The following PLXDC2 variants were observed in gnomAD, a reference collection of about 807,000 sequenced individuals.
PLXDC2 encodes plexin domain containing 2, also known as plexin domain-containing protein 2.
In PLXDC2, 40 loss-of-function variants were observed where a neutral mutation model predicts 68.9. That is an observed-to-expected ratio of 0.58 (90% confidence interval 0.45 to 0.76). The LOEUF (loss-of-function observed/expected upper bound fraction) is 0.76. Ranked by LOEUF, PLXDC2 falls within the 30% of genes least tolerant of loss-of-function variation. PLXDC2 has a pLI of 0.00. For synonymous variants in PLXDC2, 243 were observed against 234.2 expected (o/e 1.04, Z -0.34); for missense variants, 644 against 661.9 (o/e 0.97, Z 0.30).
At chr10:20,150,006 C>G (rs1834131966) in intron 6 of PLXDC2, among the ~76,000 whole-genome samples, 1 of 152,146 alleles carries the variant, frequency 6.6e-6, no homozygotes, top group Non-Finnish European at 1.5e-5. Flanking sequence ...TGAACATACT[C>G]TTCTTGTCCT....
intron 1 of PLXDC2, among the ~76,000 whole-genome samples, chr10:19,961,845 A>C (rs1254839413): frequency 6.6e-6 from 1 of 152,184 alleles, no homozygotes; most frequent in Non-Finnish European, 1.5e-5. Context: ...CCATACTAGG[A>C]GGGCCCTCAA....
At chr10:19,860,477 C>G (rs1274890403) in intron 1 of PLXDC2, among the ~76,000 whole-genome samples, 1 of 152,168 alleles carries the variant, frequency 6.6e-6, no homozygotes, top group South Asian at 2.1e-4. Flanking sequence ...ACAAGAGTAT[C>G]TAAGTGTGCA....
intron 1 of PLXDC2, among the ~76,000 whole-genome samples, chr10:19,935,047 T>C (rs72785842): frequency 0.049 from 7,411 of 152,294 alleles, 240 homozygotes; most frequent in Middle Eastern, 0.092. Context: ...CTTGAAAATT[T>C]CGTAGAAGAG....
intron 1 of PLXDC2, among the ~76,000 whole-genome samples, chr10:19,873,966 A>T (rs1430815362): frequency 6.6e-6 from 1 of 152,174 alleles, no homozygotes; most frequent in Non-Finnish European, 1.5e-5. Context: ...CCAGATTTCC[A>T]TACTCTTAAA....
At chr10:19,890,181 C>T (rs1390209143) in intron 1 of PLXDC2, among the ~76,000 whole-genome samples, 1 of 152,128 alleles carries the variant, frequency 6.6e-6, no homozygotes, top group Non-Finnish European at 1.5e-5. Context: ...CTTTAAACTC[C>T]ATAGTCATGA....
At chr10:20,263,039 C>T (rs1190384182) in intron 13 of PLXDC2, among the ~76,000 whole-genome samples, 1 of 152,206 alleles carries the variant, frequency 6.6e-6, no homozygotes, top group Non-Finnish European at 1.5e-5. Flanking sequence ...ACCTTATTCA[C>T]ACCTCCAAAA....
At chr10:20,279,539 G>C (rs929541467) in intron 13 of PLXDC2, among the ~76,000 whole-genome samples, 164 bp from the exon 14 acceptor site, 2 of 152,094 alleles carry the variant, frequency 1.3e-5, no homozygotes, top group Non-Finnish European at 2.9e-5. Context: ...AGGGCTTGGA[G>C]GGTTGATAAG....
chr10:19,969,152 G>A (rs1286645270), intron 1 of PLXDC2, among the ~76,000 whole-genome samples: 4 of 151,820 alleles, frequency 2.6e-5, no homozygotes, highest in Admixed American at 6.6e-5. Context: ...TTATTTCGGC[G>A]ACACCAAAAG....
intron 4 of PLXDC2, among the ~76,000 whole-genome samples, chr10:20,087,920 T>C (rs1833222614): frequency 6.6e-6 from 1 of 152,176 alleles, no homozygotes; most frequent in Admixed American, 6.5e-5. Flanking sequence ...AAAGGACACA[T>C]TGGTATGACA....
At chr10:20,017,839 G>C (rs1271748905) in intron 2 of PLXDC2, among the ~76,000 whole-genome samples, 2 of 152,244 alleles carry the variant, frequency 1.3e-5, no homozygotes, top group Non-Finnish European at 2.9e-5. Context: ...TAGTTCCGGT[G>C]TTAAAAGAAG....
intron 2 of PLXDC2, among the ~76,000 whole-genome samples, chr10:20,013,005 G>A (rs1835144632): frequency 6.6e-6 from 1 of 152,264 alleles, no homozygotes; most frequent in East Asian, 1.9e-4. Flanking sequence ...GAATGAATGT[G>A]ACAAACTATT....
intron 13 of PLXDC2, among the ~76,000 whole-genome samples, chr10:20,278,979 T>C (rs1836045570): frequency 6.6e-6 from 1 of 152,214 alleles, no homozygotes; most frequent in South Asian, 2.1e-4. Flanking sequence ...GATGGAGTGC[T>C]GAGAAGAAAT....
intron 1 of PLXDC2, among the ~76,000 whole-genome samples, chr10:19,895,271 T>G (rs1377081787): frequency 1.3e-5 from 2 of 152,120 alleles, no homozygotes; most frequent in African/African-American, 4.8e-5. Flanking sequence ...ATGGTAGAGC[T>G]GGGCACCTTC....
chr10:20,137,176 T>C (rs1833945601), intron 4 of PLXDC2, among the ~76,000 whole-genome samples: 4 of 152,214 alleles, frequency 2.6e-5, no homozygotes, highest in Admixed American at 2.0e-4. Context: ...CAAGATTAAC[T>C]TGTAAATACT....
chr10:20,123,351 A>G (rs1467375687), intron 4 of PLXDC2, among the ~76,000 whole-genome samples: 1 of 152,108 alleles, frequency 6.6e-6, no homozygotes, highest in Non-Finnish European at 1.5e-5. Context: ...TGCATTGGGA[A>G]CAGAGACTAG....
At chr10:20,021,288 G>A (rs1835304187) in intron 2 of PLXDC2, among the ~76,000 whole-genome samples, 1 of 151,448 alleles carries the variant, frequency 6.6e-6, no homozygotes. Flanking sequence ...TTAAGTTATG[G>A]GATACATGCG....
At chr10:20,104,734 C>A (rs1833467742) in intron 4 of PLXDC2, among the ~76,000 whole-genome samples, 1 of 152,020 alleles carries the variant, frequency 6.6e-6, no homozygotes, top group Admixed American at 6.6e-5. Flanking sequence ...TTACTTCTTG[C>A]AATGTTGCCA....
chr10:20,169,918 T>G (rs1335685699), intron 7 of PLXDC2, among the ~76,000 whole-genome samples: 1 of 152,164 alleles, frequency 6.6e-6, no homozygotes. Flanking sequence ...CACAGTACAT[T>G]ATTTGGTACT....
intron 1 of PLXDC2, among the ~76,000 whole-genome samples, chr10:19,945,785 G>A (rs1408235804): frequency 2.0e-5 from 3 of 152,248 alleles, no homozygotes; most frequent in Middle Eastern, 3.4e-3. Context: ...AGAAGAGCCC[G>A]TATCTAACTC....
Sources: gnomAD v4.1 joint callset for allele counts (sites outside exome capture counted in the v4.1 genomes callset) on GRCh38, gnomAD v4.1.1 for gene constraint, MANE v1.5 for transcripts, NCBI Gene and HGNC (gene_info 2026-07-23, HGNC 2026-07-21) for gene names.